Variants in LIMS1 observed in about 807,000 individuals in gnomAD.
The protein encoded by LIMS1 is LIM and senescent cell antigen-like-containing domain protein 1.
A neutral mutation model predicts 44.1 loss-of-function variants in LIMS1; 18 were observed. The ratio of observed to expected loss-of-function variants is 0.41; its 90% CI spans 0.28 to 0.61. The LOEUF (loss-of-function observed/expected upper bound fraction) is 0.61. Among genes scored for constraint, LIMS1 ranks in the 20% least tolerant of loss-of-function variants. The pLI is 0.32. For synonymous variants in LIMS1, 93 were observed against 149.1 expected, an observed-to-expected ratio of 0.62 and a Z score of 2.74; for missense variants, 201 against 422.0, an observed-to-expected ratio of 0.48 and a Z score of 4.59.
At chr2:108,560,932 ATAAATAAC>A (rs1344162159) in intron 1 of LIMS1, among the ~76,000 whole-genome samples, 1 of 152,140 alleles carries the variant, frequency 6.6e-6, no homozygotes, top group Non-Finnish European at 1.5e-5. Context: ...GTGTGCTTTG[ATAAATAAC>A]CATTGGTTTT....
At chr2:108,640,881 T>A (rs907632738) in intron 1 of LIMS1, among the ~76,000 whole-genome samples, 2 of 152,170 alleles carry the variant, frequency 1.3e-5, no homozygotes, top group African/African-American at 4.8e-5. Context: ...ACCCAAGAAC[T>A]ATTCCTGTTA....
rs551590784 is a variant in LIMS1 at position 108,538,717 on chromosome 2, G to A, written c.32+4123G>A. Among the ~76,000 whole-genome samples the A allele has an allele frequency of 9.2e-5, 14 of 152,292 alleles. No individual in the cohort carries two copies. In the South Asian group the frequency reaches 2.9e-3, roughly 32 times the overall value. On this transcript the variant is annotated intron_variant, in intron 1 of 9. Transcript: ENST00000544547. ...TATTAAAAAAGTTACGGGAAAACATGCAAAACAAAATTTACTATTTTAACC... is the reference window on the plus strand; with the variant it reads ...TATTAAAAAAGTTACGGGAAAACATACAAAACAAAATTTACTATTTTAACC...
intron 1 of LIMS1, among the ~76,000 whole-genome samples, chr2:108,653,100 T>G (rs1314483640): frequency 2.6e-5 from 4 of 152,228 alleles, no homozygotes; most frequent in African/African-American, 9.7e-5. Flanking sequence ...TCTGAGATTT[T>G]TAGGGTTCAA....
chr2:108,563,352 T>C (rs1331861262), intron 1 of LIMS1, among the ~76,000 whole-genome samples: 1 of 152,228 alleles, frequency 6.6e-6, no homozygotes, highest in Non-Finnish European at 1.5e-5. Context: ...GAAAACCTTC[T>C]GAAAAAGATT....
Position 108,577,258 on chromosome 2 carries a change from C to T in LIMS1, c.32+42664C>T, listed in dbSNP as rs536280969. 4.3e-4 allele frequency among the ~76,000 whole-genome samples: 65 copies of T among 152,358 alleles called. 1 individual carries two copies. Among genetic ancestry groups the T allele is most frequent in the Admixed American group, 3.8e-3 (58 of 15,310 alleles). On this transcript the variant is annotated intron_variant, in intron 1 of 9. Transcript: ENST00000544547. ...CCCTGAGAATTCCCTTTCCCTCTCC[C>T]ACTTCGTGAACCACAGCTAATACAG... is the stretch of plus-strand genomic sequence containing the variant.
At chr2:108,583,209 T>G (rs75886307) in intron 1 of LIMS1, among the ~76,000 whole-genome samples, 486 of 23,956 alleles carry the variant, frequency 0.02, 2 homozygotes, top group African/African-American at 0.059. Flanking sequence ...ATGTTTGTAT[T>G]TTTTTTTTTT....
intron 1 of LIMS1, among the ~76,000 whole-genome samples, chr2:108,630,343 T>C (rs1688840604): frequency 6.6e-6 from 1 of 152,146 alleles, no homozygotes. Context: ...AATCAGAGCT[T>C]AATTATGTCA....
chr2:108,670,432 T>A (rs537044078), intron 2 of LIMS1, among the ~76,000 whole-genome samples: 5 of 152,018 alleles, frequency 3.3e-5, no homozygotes, highest in African/African-American at 1.2e-4. Flanking sequence ...GTTGTATGTA[T>A]GTGCATATTT....
intron 1 of LIMS1, among the ~76,000 whole-genome samples, chr2:108,561,598 C>T (rs1047001837): frequency 6.6e-6 from 1 of 152,106 alleles, no homozygotes; most frequent in Non-Finnish European, 1.5e-5. Context: ...TAAAACCCTA[C>T]GTCAAGCAAG....
exon 3 of LIMS1, chr2:108,670,805 C>T (rs1692113917): frequency 1.9e-6 from 3 of 1,611,538 alleles, no homozygotes; most frequent in Non-Finnish European, 2.5e-6. Flanking sequence ...GTACTGTGAA[C>T]ATGACTTTCA....
At chr2:108,619,231 CAG>C (rs1688099478) in intron 1 of LIMS1, among the ~76,000 whole-genome samples, 1 of 152,062 alleles carries the variant, frequency 6.6e-6, no homozygotes. Context: ...CCTATGGAGA[CAG>C]GTCATATTTA....
intron 1 of LIMS1, among the ~76,000 whole-genome samples, chr2:108,607,969 G>A (rs1687367792): frequency 6.6e-6 from 1 of 152,148 alleles, no homozygotes; most frequent in Admixed American, 6.5e-5. Flanking sequence ...TACTCAGAGT[G>A]TTTGCTTTGC....
At chr2:108,650,678 G>C (rs926075084) in intron 1 of LIMS1, among the ~76,000 whole-genome samples, 33 of 151,918 alleles carry the variant, frequency 2.2e-4, no homozygotes, top group African/African-American at 8.0e-4. Context: ...CACCCGCCTC[G>C]GCCTCCCAAA....
Position 108,596,574 on chromosome 2 carries a change from A to G in LIMS1, c.32+61980A>G, listed in dbSNP as rs1416571080. On this transcript the variant is annotated intron_variant, in intron 1 of 9. Coordinates refer to ENST00000544547, the Ensembl canonical transcript of LIMS1. ...GGGCATGGCACACGCCTGTAATCCT[A>G]GCACTTTGGGAGGCCAAGATGGGCA... Among the ~76,000 whole-genome samples the G allele has an allele frequency of 2.0e-5, 3 of 152,306 alleles. No homozygotes were observed. The East Asian group carries it at 5.8e-4, about 29-fold the overall frequency.
chr2:108,610,262 G>A (rs559571058), intron 1 of LIMS1, among the ~76,000 whole-genome samples: 1 of 151,704 alleles, frequency 6.6e-6, no homozygotes, highest in South Asian at 2.1e-4. Context: ...GTTGGTCAGG[G>A]TGGTCTCAAC....
intron 9 of LIMS1, among the ~76,000 whole-genome samples, chr2:108,682,932 T>C (rs1693098961): frequency 6.6e-6 from 1 of 152,240 alleles, no homozygotes; most frequent in Non-Finnish European, 1.5e-5. Context: ...ACTCTGGATT[T>C]CAACAGTAAT....
intron 1 of LIMS1, among the ~76,000 whole-genome samples, chr2:108,637,099 ATGTGTGTGTGTGTGTG>A (rs74315160): frequency 4.4e-4 from 43 of 98,602 alleles, no homozygotes; most frequent in East Asian, 1.0e-3. Context: ...ATATACATAT[ATGTGTGTGTGTGTGTG>A]TGTGTGTGTG....
chr2:108,604,863 T>G (rs1687191107), intron 1 of LIMS1, among the ~76,000 whole-genome samples: 1 of 152,156 alleles, frequency 6.6e-6, no homozygotes, highest in Non-Finnish European at 1.5e-5. Context: ...GTAAGAGCAA[T>G]TTACCTGCAG....
intron 1 of LIMS1, among the ~76,000 whole-genome samples, chr2:108,563,050 A>G (rs1397807137): frequency 1.3e-5 from 2 of 152,208 alleles, no homozygotes; most frequent in African/African-American, 4.8e-5. Context: ...ATGACCACAT[A>G]TGTGTGTGCA....
Sources: allele counts gnomAD v4.1 joint callset (sites outside exome capture counted in the v4.1 genomes callset), GRCh38; gene constraint gnomAD v4.1.1; transcripts MANE v1.5; gene names NCBI Gene and HGNC (gene_info 2026-07-23, HGNC 2026-07-21).